The following SV2C variants were observed in gnomAD, a reference collection of about 807,000 sequenced individuals.
SV2C encodes synaptic vesicle glycoprotein 2C.
A neutral mutation model predicts 79.7 loss-of-function variants in SV2C; 49 were observed. The observed-to-expected ratio is 0.61, with a 90% CI of 0.49 to 0.78. The LOEUF (loss-of-function observed/expected upper bound fraction) is 0.78. Among genes scored for constraint, SV2C ranks in the 30% least tolerant of loss-of-function variants. SV2C has a pLI of 0.00. For synonymous variants in SV2C, 334 were observed against 333.2 expected (o/e 1.00, Z -0.03); for missense variants, 833 against 912.9 (o/e 0.91, Z 1.13).
chr5:76,004,605 C>T, the SV2C span, among the ~76,000 whole-genome samples: 1 of 152,042 alleles, frequency 6.6e-6, no homozygotes, highest in Admixed American at 6.6e-5. Flanking sequence ...CCTTATCTGG[C>T]AATTAAGCAG....
the SV2C span, among the ~76,000 whole-genome samples, chr5:75,913,045 A>C: frequency 6.6e-6 from 1 of 152,304 alleles, no homozygotes; most frequent in African/African-American, 2.4e-5. Flanking sequence ...GGCATAGTCA[A>C]TCCATACTAG....
At chr5:76,312,672 C>T (rs1748489933) in intron 12 of SV2C, among the ~76,000 whole-genome samples, 1 of 152,244 alleles carries the variant, frequency 6.6e-6, no homozygotes, top group Non-Finnish European at 1.5e-5. Flanking sequence ...CAGGGCCAGG[C>T]AAGCCTGTCT....
At chr5:75,988,624 C>T in the SV2C span, among the ~76,000 whole-genome samples, 4 of 151,834 alleles carry the variant, frequency 2.6e-5, no homozygotes, top group African/African-American at 9.7e-5. Flanking sequence ...TATTTTTCCC[C>T]ATGGAAGAGC....
At chr5:76,302,946 G>T (rs1408750238) in intron 12 of SV2C, among the ~76,000 whole-genome samples, 1 of 152,180 alleles carries the variant, frequency 6.6e-6, no homozygotes, top group Admixed American at 6.5e-5. Context: ...AACTGATCTT[G>T]AGTGCTTCCT....
intron 2 of SV2C, among the ~76,000 whole-genome samples, chr5:76,152,780 C>G (rs1242833051): frequency 6.6e-6 from 1 of 152,154 alleles, no homozygotes; most frequent in Non-Finnish European, 1.5e-5. Flanking sequence ...CTTCTGCCCC[C>G]CAGCCCCTCC....
chr5:76,079,632 C>G (rs1746950139), upstream of SV2C: 1 of 345,488 alleles, frequency 2.9e-6, no homozygotes, highest in Non-Finnish European at 5.7e-6. Context: ...GTCAATCTGA[C>G]AGAAGCCCTG....
At chr5:75,884,207 T>C in the SV2C span, among the ~76,000 whole-genome samples, 2 of 152,156 alleles carry the variant, frequency 1.3e-5, no homozygotes, top group Non-Finnish European at 1.5e-5. Context: ...AAGGGGACCA[T>C]GCAAATGGAC....
At chr5:76,103,137 T>C (rs1378043497) in intron 1 of SV2C, among the ~76,000 whole-genome samples, 1 of 152,100 alleles carries the variant, frequency 6.6e-6, no homozygotes, top group Non-Finnish European at 1.5e-5. Context: ...TGCTGAAATA[T>C]TTAGTATTTT....
At chr5:75,897,918 T>C in the SV2C span, among the ~76,000 whole-genome samples, 3 of 151,968 alleles carry the variant, frequency 2.0e-5, no homozygotes, top group African/African-American at 7.3e-5. Context: ...ACATTGATTT[T>C]GTATCCTGAG....
intron 2 of SV2C, among the ~76,000 whole-genome samples, chr5:76,192,006 G>T (rs542164647): frequency 6.6e-6 from 1 of 152,284 alleles, no homozygotes; most frequent in East Asian, 1.9e-4. Context: ...CACAGCTCCT[G>T]CTTGCCCTTT....
At chr5:76,012,831 A>T in the SV2C span, among the ~76,000 whole-genome samples, 1 of 152,170 alleles carries the variant, frequency 6.6e-6, no homozygotes, top group Non-Finnish European at 1.5e-5. Context: ...ATGGCTAGCC[A>T]GTTTTCCCAA....
chr5:76,293,637 C>T (rs1440511424), intron 8 of SV2C, among the ~76,000 whole-genome samples: 2 of 152,092 alleles, frequency 1.3e-5, no homozygotes, highest in East Asian at 3.9e-4. Flanking sequence ...GTCATTTCTT[C>T]CTCAATAACT....
upstream of SV2C, chr5:76,081,895 C>T (rs1182710459): frequency 6.6e-6 from 1 of 152,376 alleles, no homozygotes; most frequent in African/African-American, 2.4e-5. Flanking sequence ...GGGCAGGAGG[C>T]TCCAGCCTGG....
the SV2C span, among the ~76,000 whole-genome samples, chr5:75,976,112 G>A: frequency 3.3e-5 from 5 of 152,130 alleles, no homozygotes; most frequent in African/African-American, 4.8e-5. Context: ...ATAGTTAATC[G>A]AAAATTGTAT....
Position 76,132,093 on chromosome 5 carries a change from G to A in SV2C, c.343G>A (p.Asp115Asn), listed in dbSNP as rs149119749. The change falls in exon 2 of 13, where the codon GAT (aspartate) becomes AAT (asparagine). Residue 115 changes from aspartate to asparagine, a missense_variant. By Grantham distance (23) the Asp-to-Asn change is conservative. Transcript: ENST00000502798. ...CGTGTCAGTGGGGCAGCCCAAGGGC[G>A]ATGAGTACAAGGACCGGCGGGAGCT... ...SIVSVGQPKG[D>N]EYKDRRELES... 36 of 1,613,522 alleles carry A rather than the reference G, an allele frequency of 2.2e-5. 1 individual carries two copies. The highest frequency in any genetic ancestry group is 1.5e-4 in the Admixed American group (9 of 60,008).
rs1407794486 is a variant in SV2C at position 76,295,814 on chromosome 5, T to G, written c.1374T>G (p.Ile458Met). Residue 458 changes from isoleucine to methionine, a missense_variant, in exon 9 of 13, where the codon ATT (isoleucine) becomes ATG (methionine). Physicochemically the swap from Ile to Met is conservative, Grantham distance 10. Transcript: ENST00000502798. ...YGLSVWFPDV[I>M]KPLQSDEYAL... is the part of the protein sequence containing the mutation. ...TATCCGTTTGGTTCCCTGATGTCAT[T>G]AAACCTCTGCAGTCCGATGAATATG... 1 of 1,612,458 alleles carries G rather than the reference T, an allele frequency of 6.2e-7. No individual in the cohort carries two copies. The highest frequency in any genetic ancestry group is 8.5e-7 in the Non-Finnish European group (1 of 1,179,588).
chr5:76,033,029 G>T, the SV2C span, among the ~76,000 whole-genome samples: 9 of 152,130 alleles, frequency 5.9e-5, no homozygotes, highest in East Asian at 5.8e-4. Context: ...GTGTTTTTTG[G>T]CTGCATAAAT....
the SV2C span, among the ~76,000 whole-genome samples, chr5:75,863,045 C>T: frequency 6.6e-6 from 1 of 152,094 alleles, no homozygotes; most frequent in African/African-American, 2.4e-5. Flanking sequence ...CAGGGAGGAC[C>T]AACACCTTTC....
chr5:75,972,684 C>T, the SV2C span, among the ~76,000 whole-genome samples: 1 of 152,020 alleles, frequency 6.6e-6, no homozygotes, highest in Non-Finnish European at 1.5e-5. Flanking sequence ...ACAACAGGTG[C>T]TGGAGAGAAT....
Sources: allele counts gnomAD v4.1 joint callset (sites outside exome capture counted in the v4.1 genomes callset), GRCh38; gene constraint gnomAD v4.1.1; transcripts MANE v1.5; gene names NCBI Gene and HGNC (gene_info 2026-07-23, HGNC 2026-07-21).